GPRC5A: variants seen among roughly 807,000 people sequenced by gnomAD.
The protein encoded by GPRC5A is G protein-coupled receptor class C group 5 member A.
A neutral mutation model predicts 22.5 loss-of-function variants in GPRC5A; 19 were observed. That is an observed-to-expected ratio of 0.85 (90% CI 0.59 to 1.24). The LOEUF is 1.24. GPRC5A is among the 50% of genes most tolerant of loss of function. The pLI is 0.00. For synonymous variants in GPRC5A, 192 were observed against 184.5 expected (o/e 1.04, Z -0.33); for missense variants, 471 against 451.1 (o/e 1.04, Z -0.40).
chr12:12,910,530 C>T (rs564777425), intron 2 of GPRC5A, among the ~76,000 whole-genome samples: 2 of 152,320 alleles, frequency 1.3e-5, no homozygotes, highest in African/African-American at 4.8e-5. Context: ...TCAAATCCTT[C>T]CTGAGCCCTT....
chr12:12,902,309 A>C (rs1863897198), intron 1 of GPRC5A, among the ~76,000 whole-genome samples: 1 of 152,030 alleles, frequency 6.6e-6, no homozygotes, highest in African/African-American at 2.4e-5. Context: ...ATTCCAAACT[A>C]ATTAGTCATC....
chr12:12,908,629 A>G lies in GPRC5A; in HGVS notation c.380A>G (p.Lys127Arg). The change falls in exon 2 of 4, where the codon AAG (lysine) becomes AGG (arginine). Residue 127 changes from lysine to arginine, a missense_variant. By Grantham distance (26) the Lys-to-Arg change is conservative. Transcript: ENST00000014914. Reference sequence around the variant, plus strand: ...CTGACCAAGCTCGTCCGGGGGAGGAAGCCCCTTTCCCTGTTGGTGATTCTG... The same window carrying G: ...CTGACCAAGCTCGTCCGGGGGAGGAGGCCCCTTTCCCTGTTGGTGATTCTG... ...VSLTKLVRGRKPLSLLVILGL... is the reference protein window; with the variant it reads ...VSLTKLVRGRRPLSLLVILGL... The G allele has an allele frequency of 1.9e-6, 3 of 1,613,966 alleles. No individual in the cohort carries two copies. Among genetic ancestry groups the G allele is most frequent in the Non-Finnish European group, 2.5e-6 (3 of 1,179,940 alleles).
rs772380867 is a variant in GPRC5A, at chr12:12,915,809, C to T, written c.*3270C>T. 3.9e-6 allele frequency: 2 copies of T among 510,702 alleles called. No homozygotes were observed. The highest frequency in any genetic ancestry group is 3.9e-5 in the African/African-American group (2 of 51,328). The allele number at this position is 510,702 out of a possible 1,614,324, so 31.6% of individuals were successfully genotyped here. A position where few individuals can be genotyped will look rare whatever the true frequency, so the allele number is the denominator to read the frequency against. ...GGGATTACAGGCATGAGCCACCGCGCCCGGCCCCGTTGTTTCCCTTCTAAG... is the reference window on the plus strand; with the variant it reads ...GGGATTACAGGCATGAGCCACCGCGTCCGGCCCCGTTGTTTCCCTTCTAAG... On this transcript the variant is annotated 3_prime_UTR_variant, in exon 4 of 4. Transcript: ENST00000014914.
intron 1 of GPRC5A, among the ~76,000 whole-genome samples, chr12:12,899,442 AC>A (rs931426582): frequency 3.6e-4 from 55 of 152,280 alleles, no homozygotes; most frequent in African/African-American, 1.2e-3. Flanking sequence ...AGAGATGATG[AC>A]AGTGATTTAG....
At chr12:12,895,821 CAAAA>C (rs34696528) in intron 1 of GPRC5A, among the ~76,000 whole-genome samples, 2 of 75,646 alleles carry the variant, frequency 2.6e-5, no homozygotes, top group Non-Finnish European at 4.6e-5. Context: ...ACTAAAAATA[CAAAA>C]AAAAAAAAAA....
intron 1 of GPRC5A, among the ~76,000 whole-genome samples, chr12:12,903,678 C>G (rs1031432796): frequency 9.2e-5 from 14 of 152,176 alleles, no homozygotes; most frequent in African/African-American, 2.9e-4. Flanking sequence ...TTTGGGGAAA[C>G]TGGTTTTTTC....
At chr12:12,891,856 T>TC (rs567173611) in intron 1 of GPRC5A, 192 bp downstream of exon 1, 8,825 of 134,002 alleles carry the variant, frequency 0.066, 315 homozygotes, top group South Asian at 0.091. Flanking sequence ...TTTTTTTTTT[T>TC]CCCCTTTGCG....
chr12:12,892,848 T>C (rs1190219886), intron 1 of GPRC5A, among the ~76,000 whole-genome samples: 2 of 152,144 alleles, frequency 1.3e-5, no homozygotes, highest in East Asian at 1.9e-4. Flanking sequence ...TGTGGGTTCA[T>C]TCCTGAAGGG....
chr12:12,908,817 C>A lies in GPRC5A; in HGVS notation c.568C>A (p.Leu190Met). The A allele has an allele frequency of 6.2e-7, 1 of 1,614,182 alleles. No individual in the cohort carries two copies. The highest frequency in any genetic ancestry group is 8.5e-7 in the Non-Finnish European group (1 of 1,179,986). ...LLTYVLFLMA[L>M]TFLMSSFTFC... ...CACCTACGTCCTCTTCTTGATGGCG[C>A]TGACCTTCCTCATGTCCTCCTTCAC... Residue 190 changes from leucine (L) to methionine (M), a missense_variant, in exon 2 of 4, where the codon CTG becomes ATG. By Grantham distance (15) the Leu-to-Met change is conservative. Transcript: ENST00000014914.
chr12:12,914,896 G>A lies in GPRC5A; in HGVS notation c.*2357G>A, dbSNP rs1170046722. ...TGGCCTCCCAAAGTGCTGGGATTAC[G>A]GGTGGGAATCACCATGCCCAGCCTC... is the stretch of plus-strand genomic sequence containing the variant. On this transcript the variant is annotated 3_prime_UTR_variant, in exon 4 of 4. Coordinates refer to ENST00000014914, the MANE Select transcript of GPRC5A (RefSeq NM_003979.4). 1.3e-5 allele frequency: 2 copies of A among 151,836 alleles called. No homozygotes were observed. Among genetic ancestry groups the A allele is most frequent in the Admixed American group, 6.6e-5 (1 of 15,208 alleles). 9.4% of individuals were successfully genotyped at this position (151,836 alleles called of 1,614,324 possible). A position where few individuals can be genotyped will look rare whatever the true frequency, so the allele number is the denominator to read the frequency against.
At chr12:12,898,203 G>C (rs890108366) in intron 1 of GPRC5A, among the ~76,000 whole-genome samples, 1 of 152,142 alleles carries the variant, frequency 6.6e-6, no homozygotes, top group Non-Finnish European at 1.5e-5. Context: ...GCTGTTAAAG[G>C]AAGGCATAAT....
At chr12:12,902,474 C>G (rs1477355505) in intron 1 of GPRC5A, among the ~76,000 whole-genome samples, 1 of 151,740 alleles carries the variant, frequency 6.6e-6, no homozygotes, top group Non-Finnish European at 1.5e-5. Flanking sequence ...TTTAGAGAGA[C>G]GTTCTAGACT....
Position 12,915,863 on chromosome 12 carries a change from G to A in GPRC5A, c.*3324G>A, listed in dbSNP as rs2136465574. 3.8e-6 allele frequency: 2 copies of A among 526,916 alleles called. No individual in the cohort carries two copies. The allele number at this position is 526,916 out of a possible 1,614,324, so 32.6% of individuals were successfully genotyped here. A position where few individuals can be genotyped will look rare whatever the true frequency, so the allele number is the denominator to read the frequency against. ...CGCAGTGGTCTCTGAAGCCTGCAGGGGCAGGCCAGCCCTGCACTGAACGCC... is the reference window on the plus strand; with the variant it reads ...CGCAGTGGTCTCTGAAGCCTGCAGGAGCAGGCCAGCCCTGCACTGAACGCC... On this transcript the variant is annotated 3_prime_UTR_variant, in exon 4 of 4. Transcript: ENST00000014914.
chr12:12,900,909 A>AAC (rs1342964928), intron 1 of GPRC5A, among the ~76,000 whole-genome samples: 3 of 121,912 alleles, frequency 2.5e-5, no homozygotes. Context: ...AAAAAAAAAA[A>AAC]AAAACAAAAA....
intron 1 of GPRC5A, among the ~76,000 whole-genome samples, chr12:12,907,258 G>A (rs1250048468): frequency 6.6e-5 from 10 of 151,606 alleles, no homozygotes; most frequent in East Asian, 2.0e-4. Context: ...AAAATTAGCC[G>A]GGCATGGTGG....
intron 1 of GPRC5A, among the ~76,000 whole-genome samples, chr12:12,900,964 C>CA (rs1391947093): frequency 6.9e-6 from 1 of 145,814 alleles, no homozygotes; most frequent in African/African-American, 2.5e-5. Flanking sequence ...ACAAAAGAAC[C>CA]AAAAACCCCT....
chr12:12,892,675 CTTTAAA>C lies in GPRC5A; in HGVS notation c.-8+1012_-8+1017del, dbSNP rs1863775725. Among the ~76,000 whole-genome samples, 6 of 152,232 alleles carry C rather than the reference CTTTAAA, an allele frequency of 3.9e-5. No homozygotes were observed. In the East Asian group the frequency reaches 1.2e-3, roughly 29 times the overall value. On this transcript the variant is annotated intron_variant, in intron 1 of 3. Transcript: ENST00000014914. ...AGCCCCCGCGCCCGGCCACAGATAGCTTTAAACATCCATGGGAAAGGCTAGCTAACA... is the reference window on the plus strand; with the variant it reads ...AGCCCCCGCGCCCGGCCACAGATAGCCATCCATGGGAAAGGCTAGCTAACA...
Position 12,914,351 on chromosome 12 carries a change from T to C in GPRC5A, c.*1812T>C, listed in dbSNP as rs1234543187. The stretch of plus-strand genomic sequence containing the variant: ...GGTAGGCTTCGCGCTAAGATTAGCC[T>C]GGCTTTGTACTGAAAAGGGGGAAGG... On this transcript the variant is annotated 3_prime_UTR_variant, in exon 4 of 4. Transcript: ENST00000014914. 6.6e-6 allele frequency: 1 copy of C among 152,600 alleles called. No homozygotes were observed. The highest frequency in any genetic ancestry group is 1.5e-5 in the Non-Finnish European group (1 of 68,044). The allele number at this position is 152,600 out of a possible 1,614,324, so 9.5% of individuals were successfully genotyped here. A position where few individuals can be genotyped will look rare whatever the true frequency, so the allele number is the denominator to read the frequency against.
intron 1 of GPRC5A, 84 bp from the exon 2 acceptor site, chr12:12,908,159 T>C (rs1863961843): frequency 2.0e-6 from 2 of 982,462 alleles, no homozygotes; most frequent in South Asian, 3.6e-5. Flanking sequence ...ATTGGTTTCC[T>C]AATCCTTTTT....
Sources: allele counts gnomAD v4.1 joint callset (sites outside exome capture counted in the v4.1 genomes callset), GRCh38; gene constraint gnomAD v4.1.1; transcripts MANE v1.5; gene names NCBI Gene and HGNC (gene_info 2026-07-23, HGNC 2026-07-21).